UBOX5: variants seen among roughly 807,000 people sequenced by gnomAD.
The protein encoded by UBOX5 is RING finger protein 37.
In UBOX5, 28 loss-of-function variants were observed where a neutral mutation model predicts 39.0. The ratio of observed to expected loss-of-function variants is 0.72; its 90% confidence interval spans 0.53 to 0.98. The LOEUF is 0.98. Ranked by LOEUF, UBOX5 falls within the 50% of genes least tolerant of loss-of-function variation. UBOX5 has a pLI of 0.00. For synonymous variants in UBOX5, 283 were observed against 275.5 expected (o/e 1.03, Z -0.27); for missense variants, 585 against 674.4 (o/e 0.87, Z 1.47).
At position 3,116,309 on chromosome 20, in the gene UBOX5, C is replaced by T. The variant is rs147714721; in HGVS notation, c.1256-843G>A. Among the ~76,000 whole-genome samples, 321 of 152,276 alleles carry T rather than the reference C, an allele frequency of 2.1e-3. 1 individual carries two copies. The highest frequency in any genetic ancestry group is 7.1e-3 in the African/African-American group (296 of 41,552). On this transcript the variant is annotated intron_variant, in intron 3 of 4. Transcript: ENST00000217173. ...TAGAACTAAGACCCCACGTTGACCA[C>T]GCCACAATTTAGGGGACCTTTAGTG... is the stretch of plus-strand genomic sequence containing the variant.
Position 3,123,315 on chromosome 20 carries a change from G to A in UBOX5, c.51C>T (p.Asn17=), listed in dbSNP as rs1239851805. ...LPQFRPRIHC[N]KISADGYEVE... ...TGTATATATTTGTTTTGTTTACCTT[G>A]TTGCAGTGAATTCTTGGTCTGAACT... is the stretch of plus-strand genomic sequence containing the variant. Residue 17 remains asparagine, a synonymous_variant, in exon 2 of 5, where the codon AAC becomes AAT. Transcript: ENST00000217173. The A allele has an allele frequency of 2.5e-6, 4 of 1,613,562 alleles. No homozygotes were observed. In the Admixed American group the frequency reaches 5.0e-5, roughly 20 times the overall value.
At chr20:3,126,907 G>T (rs905609216) in intron 1 of UBOX5, among the ~76,000 whole-genome samples, 2 of 151,714 alleles carry the variant, frequency 1.3e-5, no homozygotes, top group Non-Finnish European at 2.9e-5. Flanking sequence ...ATGGTGGCAG[G>T]CACCTGTAAT....
At position 3,110,184 on chromosome 20, in the gene UBOX5, CT is replaced by C. The variant is rs1568466790; in HGVS notation, c.1547del (p.Lys516SerfsTer7). The C allele has an allele frequency of 6.2e-7, 1 of 1,613,838 alleles. No individual in the cohort carries two copies. Among genetic ancestry groups the C allele is most frequent in the South Asian group, 1.1e-5 (1 of 91,070 alleles). On this transcript the variant is annotated frameshift_variant, in exon 5 of 5. Transcript: ENST00000217173. LOFTEE classifies it high-confidence loss of function. Reference sequence around the variant, plus strand: ...TGCACGTCATGGGCAGGGAGCGTTGCTTCTCACCCAGGCAGGGTCGGCACAG... The same window carrying C: ...TGCACGTCATGGGCAGGGAGCGTTGCTCTCACCCAGGCAGGGTCGGCACAG... ...HLLCRPCLGE[K>X]QRSLPMTCTA...
intron 1 of UBOX5, among the ~76,000 whole-genome samples, chr20:3,131,609 T>C (rs1354063261): frequency 1.3e-5 from 2 of 152,246 alleles, no homozygotes; most frequent in Admixed American, 6.5e-5. Context: ...GAGATAAAAA[T>C]GAAATGGCAG....
chr20:3,152,359 C>T (rs2148625081), intron 1 of UBOX5, among the ~76,000 whole-genome samples: 2 of 151,574 alleles, frequency 1.3e-5, no homozygotes, highest in South Asian at 4.2e-4. Context: ...TGGGCGCCTG[C>T]AATTGCAGCT....
rs1013447412 is a variant in UBOX5 at position 3,124,284 on chromosome 20, G to T, written c.-41-878C>A. Reference sequence around the variant, plus strand: ...TGCCGAGGCTGGACTGTACTGCCGTGATCTCAGCTCGCTGCAACCTCCCTG... The same window carrying T: ...TGCCGAGGCTGGACTGTACTGCCGTTATCTCAGCTCGCTGCAACCTCCCTG... On this transcript the variant is annotated intron_variant, in intron 1 of 4. Transcript: ENST00000217173. 5.9e-5 allele frequency among the ~76,000 whole-genome samples: 9 copies of T among 152,158 alleles called. No individual in the cohort carries two copies. The South Asian group carries it at 1.9e-3, about 32-fold the overall frequency.
chr20:3,130,266 T>TAAATAAATAAAC (rs1488397461), intron 1 of UBOX5, among the ~76,000 whole-genome samples: 1 of 149,060 alleles, frequency 6.7e-6, no homozygotes, highest in Non-Finnish European at 1.5e-5. Context: ...AATAAATAAA[T>TAAATAAATAAAC]AAACAAACAA....
At chr20:3,156,590 T>C (rs1392115869) in intron 1 of UBOX5, 1 of 152,020 alleles carries the variant, frequency 6.6e-6, no homozygotes, top group Non-Finnish European at 1.5e-5. Context: ...CGAAACAGAG[T>C]AGAGCCTCAG....
At position 3,148,994 on chromosome 20, in the gene UBOX5, C is replaced by G. The variant is rs201827432; in HGVS notation, c.-42+10772G>C. 8.7e-6 allele frequency: 14 copies of G among 1,614,186 alleles called. No homozygotes were observed. Among genetic ancestry groups the G allele is most frequent in the Admixed American group, 5.0e-5 (3 of 60,002 alleles). On this transcript the variant is annotated intron_variant, in intron 1 of 4. Coordinates refer to ENST00000217173, the MANE Select transcript of UBOX5 (RefSeq NM_014948.4). ...GCTCACATTCCAGTATGACACACTT[C>G]GGACTGCACCAAAGGCAGAAGGACT... is the stretch of plus-strand genomic sequence containing the variant.
At chr20:3,144,056 T>C (rs1287057838) in intron 1 of UBOX5, among the ~76,000 whole-genome samples, 1 of 152,128 alleles carries the variant, frequency 6.6e-6, no homozygotes, top group Non-Finnish European at 1.5e-5. Flanking sequence ...AAAAGATATA[T>C]ACCATGATTA....
chr20:3,144,046 A>G (rs1444878208), intron 1 of UBOX5, among the ~76,000 whole-genome samples: 2 of 152,218 alleles, frequency 1.3e-5, no homozygotes, highest in Admixed American at 1.3e-4. Flanking sequence ...TAAATAAATT[A>G]AAAGATATAT....
Position 3,122,334 on chromosome 20 carries a change from A to G in UBOX5, c.305T>C (p.Leu102Pro). ...TGGGACAGATGGCTCAGCTGGGCCCAGGGTCCGGCACTGGGGCGTATTCCA... is the reference window on the plus strand; with the variant it reads ...TGGGACAGATGGCTCAGCTGGGCCCGGGGTCCGGCACTGGGGCGTATTCCA... ...VSWNTPQCRT[L>P]GPAEPSVPDK... The change falls in exon 3 of 5, where the codon CTG (leucine) becomes CCG (proline). Residue 102 changes from leucine to proline, a missense_variant. Physicochemically the swap from Leu to Pro is moderately conservative, Grantham distance 98. Coordinates refer to ENST00000217173, the MANE Select transcript of UBOX5 (RefSeq NM_014948.4). 1.9e-6 allele frequency: 3 copies of G among 1,614,222 alleles called. No homozygotes were observed. The highest frequency in any genetic ancestry group is 2.5e-6 in the Non-Finnish European group (3 of 1,180,026).
intron 1 of UBOX5, among the ~76,000 whole-genome samples, chr20:3,132,628 G>A (rs1196874442): frequency 6.6e-6 from 1 of 151,962 alleles, no homozygotes; most frequent in Non-Finnish European, 1.5e-5. Flanking sequence ...AGACCAGTCT[G>A]GCTAACATGG....
chr20:3,157,747 G>A (rs1045276915), intron 1 of UBOX5, among the ~76,000 whole-genome samples: 8 of 152,190 alleles, frequency 5.3e-5, no homozygotes, highest in Non-Finnish European at 8.8e-5. Context: ...GCACACAGTC[G>A]TCATAAGAGA....
rs367605174 is a variant in UBOX5 at position 3,151,681 on chromosome 20, A to G, written c.-42+8085T>C. 9.9e-5 allele frequency: 15 copies of G among 152,022 alleles called. No homozygotes were observed. In the East Asian group the frequency reaches 2.7e-3, roughly 27 times the overall value. 9.4% of individuals were successfully genotyped at this position (152,022 alleles called of 1,614,324 possible). ...AAAAAATTTTAATTAAAATTGGAAA[A>G]ACTATAGAAAAATAGTACTAAAATA... On this transcript the variant is annotated intron_variant, in intron 1 of 4. Coordinates refer to ENST00000217173, the MANE Select transcript of UBOX5 (RefSeq NM_014948.4).
In UBOX5 at chr20:3,115,415, G is replaced by A. The variant is rs2066286094; in HGVS notation, c.1307C>T (p.Ala436Val). ...KLSQSLEIAL[A>V]STLGSMPSFT... ...GGAGGGCATAGAGCCAAGGGTGGAT[G>A]CCAAGGCAATTTCCAAGCTTTGTGA... Residue 436 changes from alanine to valine, a missense_variant, in exon 4 of 5, where the codon GCA becomes GTA. Physicochemically the swap from Ala to Val is moderately conservative, Grantham distance 64. Transcript: ENST00000217173. The A allele has an allele frequency of 3.1e-6, 5 of 1,614,140 alleles. No homozygotes were observed. Among genetic ancestry groups the A allele is most frequent in the Non-Finnish European group, 4.2e-6 (5 of 1,179,998 alleles).
chr20:3,123,312 C>T lies in UBOX5; in HGVS notation c.54G>A (p.Lys18=), dbSNP rs1488124849. 6.2e-7 allele frequency: 1 copy of T among 1,613,680 alleles called. No homozygotes were observed. The highest frequency in any genetic ancestry group is 8.5e-7 in the Non-Finnish European group (1 of 1,179,710). The change falls in exon 2 of 5, where the codon AAG becomes AAA. Residue 18 remains lysine, a splice_region_variant and synonymous_variant. Coordinates refer to ENST00000217173, the MANE Select transcript of UBOX5 (RefSeq NM_014948.4). ...PQFRPRIHCN[K]ISADGYEVEN... is the part of the protein sequence containing the mutation. ...ATGTGTATATATTTGTTTTGTTTACCTTGTTGCAGTGAATTCTTGGTCTGA... is the reference window on the plus strand; with the variant it reads ...ATGTGTATATATTTGTTTTGTTTACTTTGTTGCAGTGAATTCTTGGTCTGA...
At chr20:3,151,873 G>A (rs921664768) in intron 1 of UBOX5, 1 of 151,564 alleles carries the variant, frequency 6.6e-6, no homozygotes, top group Admixed American at 6.6e-5. Flanking sequence ...GAGAGGCCAA[G>A]GCAGGCAGAT....
chr20:3,137,239 C>G (rs1000098150), intron 1 of UBOX5, among the ~76,000 whole-genome samples: 12 of 152,156 alleles, frequency 7.9e-5, no homozygotes, highest in African/African-American at 2.9e-4. Context: ...GCCACCACAC[C>G]CAACCAGAAA....
Sources: gnomAD v4.1 joint callset for allele counts (sites outside exome capture counted in the v4.1 genomes callset) on GRCh38, gnomAD v4.1.1 for gene constraint, MANE v1.5 for transcripts, NCBI Gene and HGNC (gene_info 2026-07-23, HGNC 2026-07-21) for gene names.